Variants in GRID2 observed in about 807,000 individuals in gnomAD.
GRID2 encodes glutamate ionotropic receptor delta type subunit 2.
In GRID2, 33 loss-of-function variants were observed where a neutral mutation model predicts 114.8. The ratio of observed to expected loss-of-function variants is 0.29; its 90% CI spans 0.22 to 0.38. The LOEUF (loss-of-function observed/expected upper bound fraction) is 0.38. Among genes scored for constraint, GRID2 ranks in the 10% least tolerant of loss-of-function variants. The pLI is 1.00. For synonymous variants in GRID2, 505 were observed against 449.9 expected, an observed-to-expected ratio of 1.12 and a Z score of -1.55; for missense variants, 1,184 against 1,257.7, an observed-to-expected ratio of 0.94 and a Z score of 0.89.
At chr4:93,019,219 A>T (rs1236707377) in intron 2 of GRID2, among the ~76,000 whole-genome samples, 1 of 152,200 alleles carries the variant, frequency 6.6e-6, no homozygotes, top group Non-Finnish European at 1.5e-5. Flanking sequence ...ATACACACAC[A>T]TACATGTACA....
intron 2 of GRID2, among the ~76,000 whole-genome samples, chr4:92,632,184 C>G (rs1308457229): frequency 6.6e-6 from 1 of 152,066 alleles, no homozygotes; most frequent in Non-Finnish European, 1.5e-5. Context: ...AGCATCCTTG[C>G]TAAGTACAAT....
chr4:92,428,208 G>C (rs551111069), intron 1 of GRID2, among the ~76,000 whole-genome samples: 2 of 152,154 alleles, frequency 1.3e-5, no homozygotes, highest in East Asian at 3.9e-4. Context: ...CTTGCAGTGA[G>C]CTGAGATCAC....
chr4:92,698,682 G>C (rs1364008629), intron 2 of GRID2, among the ~76,000 whole-genome samples: 1 of 151,622 alleles, frequency 6.6e-6, no homozygotes, highest in Admixed American at 6.6e-5. Context: ...AAGCTTCTTT[G>C]AAATAATTCA....
At chr4:93,688,086 G>T (rs1460012490) in intron 14 of GRID2, among the ~76,000 whole-genome samples, 1 of 151,930 alleles carries the variant, frequency 6.6e-6, no homozygotes, top group Non-Finnish European at 1.5e-5. Context: ...ACATCTGATA[G>T]TTTCTGTTTA....
intron 2 of GRID2, among the ~76,000 whole-genome samples, chr4:93,047,568 C>A (rs555977162): frequency 6.6e-6 from 1 of 152,024 alleles, no homozygotes; most frequent in Non-Finnish European, 1.5e-5. Flanking sequence ...GCATTGCTGG[C>A]AATAATTCAC....
chr4:92,602,713 G>C (rs1729275611), intron 2 of GRID2, among the ~76,000 whole-genome samples: 1 of 152,156 alleles, frequency 6.6e-6, no homozygotes, highest in Admixed American at 6.5e-5. Context: ...GGGTAATCAG[G>C]CAAGGGAAAG....
At chr4:92,769,811 G>A (rs1738452328) in intron 2 of GRID2, among the ~76,000 whole-genome samples, 1 of 152,114 alleles carries the variant, frequency 6.6e-6, no homozygotes, top group African/African-American at 2.4e-5. Flanking sequence ...CAGGGACCCA[G>A]GGCCCAGTCC....
intron 2 of GRID2, among the ~76,000 whole-genome samples, chr4:92,973,441 T>A (rs181006314): frequency 6.6e-6 from 1 of 152,326 alleles, no homozygotes; most frequent in Non-Finnish European, 1.5e-5. Flanking sequence ...TTGTTTTACA[T>A]GCCTTAACTC....
chr4:92,640,119 A>G (rs1266272999), intron 2 of GRID2, among the ~76,000 whole-genome samples: 1 of 151,816 alleles, frequency 6.6e-6, no homozygotes. Context: ...AGCTACTTTT[A>G]GAATATTGTT....
chr4:92,335,903 A>T lies in GRID2; in HGVS notation c.88+31159A>T, dbSNP rs1224655309. ...TTTTTAAAGAGCTATGTGGTGGTCC[A>T]TGGAAGGAAAGTCACTGTTTTTTAC... On this transcript the variant is annotated intron_variant, in intron 1 of 15. Transcript: ENST00000282020. 2.0e-5 allele frequency among the ~76,000 whole-genome samples: 3 copies of T among 152,340 alleles called. No individual in the cohort carries two copies. In the East Asian group the frequency reaches 5.8e-4, roughly 29 times the overall value.
At chr4:92,762,853 C>T (rs1353047925) in intron 2 of GRID2, among the ~76,000 whole-genome samples, 3 of 152,224 alleles carry the variant, frequency 2.0e-5, no homozygotes, top group African/African-American at 7.2e-5. Flanking sequence ...TCTTTCCAGT[C>T]TCCAGGATGC....
At chr4:92,582,874 C>A (rs888704518) in intron 1 of GRID2, among the ~76,000 whole-genome samples, 2 of 151,836 alleles carry the variant, frequency 1.3e-5, no homozygotes, top group East Asian at 1.9e-4. Flanking sequence ...GTAGTTCCAA[C>A]TACTCAGGGA....
intron 8 of GRID2, among the ~76,000 whole-genome samples, chr4:93,388,642 T>A (rs143171886): frequency 6.6e-6 from 1 of 152,192 alleles, no homozygotes; most frequent in Admixed American, 6.5e-5. Context: ...TTGGCCTTTA[T>A]CTTGAGAATA....
chr4:93,210,625 T>G (rs1743353840), intron 5 of GRID2, among the ~76,000 whole-genome samples: 1 of 152,122 alleles, frequency 6.6e-6, no homozygotes, highest in East Asian at 1.9e-4. Flanking sequence ...GAGAACAACA[T>G]GATCACCCAC....
At chr4:92,683,724 A>G (rs1733765203) in intron 2 of GRID2, among the ~76,000 whole-genome samples, 1 of 151,992 alleles carries the variant, frequency 6.6e-6, no homozygotes, top group African/African-American at 2.4e-5. Context: ...AAAGGATAGA[A>G]AAATACAAAT....
At chr4:93,139,562 A>C (rs1338673750) in intron 4 of GRID2, among the ~76,000 whole-genome samples, 1 of 152,178 alleles carries the variant, frequency 6.6e-6, no homozygotes, top group African/African-American at 2.4e-5. Flanking sequence ...ATACTGTCCT[A>C]TTATAACACT....
intron 12 of GRID2, among the ~76,000 whole-genome samples, chr4:93,507,887 G>A (rs768700874): frequency 2.9e-4 from 44 of 152,100 alleles, no homozygotes; most frequent in Non-Finnish European, 5.9e-5. Flanking sequence ...ATTCACTGGA[G>A]GTTCAATGAA....
At chr4:92,814,118 C>G (rs927757997) in intron 2 of GRID2, among the ~76,000 whole-genome samples, 1 of 152,060 alleles carries the variant, frequency 6.6e-6, no homozygotes, top group African/African-American at 2.4e-5. Context: ...GCAGCACTTG[C>G]TATTTCTTTT....
intron 1 of GRID2, among the ~76,000 whole-genome samples, chr4:93,795,363 A>G (rs1476721949): frequency 6.6e-6 from 1 of 151,884 alleles, no homozygotes; most frequent in East Asian, 1.9e-4. Flanking sequence ...TATGTTATAT[A>G]TTATTTTAAA....
Sources: gnomAD v4.1 joint callset for allele counts (sites outside exome capture counted in the v4.1 genomes callset) on GRCh38, gnomAD v4.1.1 for gene constraint, MANE v1.5 for transcripts, NCBI Gene and HGNC (gene_info 2026-07-23, HGNC 2026-07-21) for gene names.